PCSK5: variants seen among roughly 807,000 people sequenced by gnomAD.
The protein encoded by PCSK5 is prohormone convertase 5.
A neutral mutation model predicts 233.2 loss-of-function variants in PCSK5; 129 were observed. The observed-to-expected ratio is 0.55, with a 90% CI of 0.48 to 0.64. PCSK5 has a LOEUF of 0.64. PCSK5 is among the 30% of genes least tolerant of loss of function. The probability of loss-of-function intolerance (pLI) is 0.00; values close to 1 mark genes in which losing one functional copy is unlikely to be tolerated. For synonymous variants in PCSK5, 825 were observed against 879.2 expected (o/e 0.94, Z 1.09); for missense variants, 2,076 against 2,430.1 (o/e 0.85, Z 3.06).
rs200579439 is a variant in PCSK5 at position 75,902,214 on chromosome 9, TAAAAAAAAAAAAA to T, written c.192+10858_192+10870del. ...CTGGGTGACAGAGTGAGACACCATC[TAAAAAAAAAAAAA>T]AAAAAAAAAAAAAAAAGAAAAGGAC... is the stretch of plus-strand genomic sequence containing the variant. On this transcript the variant is annotated intron_variant, in intron 1 of 37. Coordinates refer to ENST00000674117, the MANE Select transcript of PCSK5 (RefSeq NM_001372043.1). 1.1e-3 allele frequency among the ~76,000 whole-genome samples: 61 copies of T among 53,292 alleles called. 2 individuals are homozygous for T. The highest frequency in any genetic ancestry group is 0.014 in the Middle Eastern group (1 of 72). The allele number at this position is 53,292 out of a possible 152,430, so 35.0% of individuals were successfully genotyped here.
intron 9 of PCSK5, among the ~76,000 whole-genome samples, chr9:76,131,379 T>G (rs1034794387): frequency 6.6e-6 from 1 of 152,168 alleles, no homozygotes; most frequent in Non-Finnish European, 1.5e-5. Context: ...TCAATTTATC[T>G]TCTTTACTTT....
chr9:76,188,147 T>C (rs1288797587), intron 17 of PCSK5, among the ~76,000 whole-genome samples: 1 of 152,230 alleles, frequency 6.6e-6, no homozygotes, highest in African/African-American at 2.4e-5. Flanking sequence ...TACCATGTGT[T>C]CCTACTGCAT....
At chr9:75,963,843 C>T (rs2131349011) in intron 2 of PCSK5, among the ~76,000 whole-genome samples, 1 of 152,264 alleles carries the variant, frequency 6.6e-6, no homozygotes, top group African/African-American at 2.4e-5. Flanking sequence ...CGTGCCATTG[C>T]ACTCCAGCCT....
chr9:75,957,960 C>T (rs1470718213), intron 2 of PCSK5, among the ~76,000 whole-genome samples: 1 of 152,072 alleles, frequency 6.6e-6, no homozygotes, highest in Non-Finnish European at 1.5e-5. Context: ...GCAAATGGAT[C>T]CTCCTTTCTT....
At chr9:76,322,979 C>G in intron 31 of PCSK5, 73 bp from the exon 32 acceptor site, 1 of 801,816 alleles carries the variant, frequency 1.2e-6, no homozygotes, top group Non-Finnish European at 2.0e-6. Context: ...GAGGGAGGAG[C>G]TAGCCTACTG....
chr9:75,968,398 C>G (rs1287218248), intron 2 of PCSK5, among the ~76,000 whole-genome samples: 3 of 152,292 alleles, frequency 2.0e-5, no homozygotes, highest in Non-Finnish European at 4.4e-5. Flanking sequence ...ATTGCACATC[C>G]GTTATCAGTC....
chr9:76,280,766 C>T (rs1319994391), intron 24 of PCSK5, among the ~76,000 whole-genome samples: 2 of 151,812 alleles, frequency 1.3e-5, no homozygotes, highest in African/African-American at 4.8e-5. Flanking sequence ...AAAAGATAGG[C>T]TGAAATCTAG....
chr9:75,933,315 G>C (rs1302587743), intron 2 of PCSK5, among the ~76,000 whole-genome samples: 1 of 152,160 alleles, frequency 6.6e-6, no homozygotes, highest in African/African-American at 2.4e-5. Flanking sequence ...TAAAGGGGAA[G>C]AGGGCGCATC....
intron 9 of PCSK5, among the ~76,000 whole-genome samples, chr9:76,132,708 A>G (rs1289540139): frequency 6.6e-6 from 1 of 152,076 alleles, no homozygotes; most frequent in Non-Finnish European, 1.5e-5. Context: ...CACAAGGTTA[A>G]GTACTTGGCA....
At chr9:76,194,572 C>A in intron 20 of PCSK5, 1 of 292,928 alleles carries the variant, frequency 3.4e-6, no homozygotes. Flanking sequence ...TATGCTGGTC[C>A]ACTGAATGCT....
rs765081974 is a variant in PCSK5 at position 76,081,480 on chromosome 9, C to CAAAT, written c.894+9585_894+9586insTAAA. Among the ~76,000 whole-genome samples the CAAAT allele has an allele frequency of 6.8e-3, 990 of 146,130 alleles. 11 individuals are homozygous for CAAAT. The highest frequency in any genetic ancestry group is 0.024 in the African/African-American group (937 of 38,350). On this transcript the variant is annotated intron_variant, in intron 7 of 37. Coordinates refer to ENST00000674117, the MANE Select transcript of PCSK5 (RefSeq NM_001372043.1). ...AAAAATAAATAAATAAATAAACAAA[C>CAAAT]AAACAAATAAATAAATAAATAAATA...
At chr9:76,341,202 G>A (rs1829826518) in intron 35 of PCSK5, among the ~76,000 whole-genome samples, 1 of 151,580 alleles carries the variant, frequency 6.6e-6, no homozygotes, top group Admixed American at 6.6e-5. Context: ...TCCAGCCTGG[G>A]TGACAGAGTG....
At chr9:76,122,797 C>T (rs1832691943) in intron 9 of PCSK5, among the ~76,000 whole-genome samples, 1 of 150,496 alleles carries the variant, frequency 6.6e-6, no homozygotes, top group African/African-American at 2.4e-5. Flanking sequence ...ACTGTGCTTC[C>T]ATCAGTTACT....
At chr9:76,331,108 T>C (rs1054176509) in intron 33 of PCSK5, among the ~76,000 whole-genome samples, 1 of 152,146 alleles carries the variant, frequency 6.6e-6, no homozygotes, top group South Asian at 2.1e-4. Context: ...CAGCCTGGTA[T>C]CCTCACATTC....
intron 10 of PCSK5, among the ~76,000 whole-genome samples, chr9:76,137,683 T>C (rs1587674592): frequency 6.6e-6 from 1 of 152,070 alleles, no homozygotes; most frequent in Non-Finnish European, 1.5e-5. Context: ...ATAAATATCA[T>C]GTACCTATCA....
chr9:76,143,707 A>C (rs997600657), intron 10 of PCSK5, among the ~76,000 whole-genome samples: 4 of 150,866 alleles, frequency 2.7e-5, no homozygotes, highest in Non-Finnish European at 5.9e-5. Context: ...TGGGATATAT[A>C]ATCATCTTTG....
At chr9:76,272,686 A>G (rs1827555717) in intron 24 of PCSK5, among the ~76,000 whole-genome samples, 1 of 141,742 alleles carries the variant, frequency 7.1e-6, no homozygotes, top group Non-Finnish European at 1.5e-5. Context: ...GAGGCAGAGG[A>G]ATTGCTTGAA....
intron 2 of PCSK5, among the ~76,000 whole-genome samples, chr9:75,967,744 C>T (rs1825651504): frequency 6.9e-6 from 1 of 144,836 alleles, no homozygotes; most frequent in East Asian, 2.0e-4. Context: ...GGGCTGTGAG[C>T]GCCTCAAGGG....
chr9:76,193,775 G>GA (rs1824545417), intron 20 of PCSK5: 2 of 156,500 alleles, frequency 1.3e-5, no homozygotes, highest in African/African-American at 4.8e-5. Context: ...AACATCGCGA[G>GA]AGCATACATA....
Sources: gnomAD v4.1 joint callset for allele counts (sites outside exome capture counted in the v4.1 genomes callset) on GRCh38, gnomAD v4.1.1 for gene constraint, MANE v1.5 for transcripts, NCBI Gene and HGNC (gene_info 2026-07-23, HGNC 2026-07-21) for gene names.